Variants in ATP5F1A observed in about 807,000 individuals in gnomAD.
ATP5F1A encodes the protein ATP synthase F(1) complex subunit alpha, mitochondrial.
ATP5F1A carries 24 observed loss-of-function variants against 57.4 expected under a neutral mutation model. The observed-to-expected ratio is 0.42, with a 90% confidence interval of 0.30 to 0.59. The LOEUF (loss-of-function observed/expected upper bound fraction) is 0.59. Among genes scored for constraint, ATP5F1A ranks in the 20% least tolerant of loss-of-function variants. The pLI is 0.19. For synonymous variants in ATP5F1A, 251 were observed against 255.5 expected (o/e 0.98, Z 0.17); for missense variants, 494 against 707.9 (o/e 0.70, Z 3.43).
intron 2 of ATP5F1A, among the ~76,000 whole-genome samples, chr18:46,093,789 A>T (rs1910737390): frequency 6.6e-6 from 1 of 151,808 alleles, no homozygotes; most frequent in South Asian, 2.1e-4. Flanking sequence ...GCGCAACTGC[A>T]CTCCAGCTTG....
At chr18:46,090,747 T>TA (rs1184374557) in intron 3 of ATP5F1A, among the ~76,000 whole-genome samples, 1 of 152,218 alleles carries the variant, frequency 6.6e-6, no homozygotes, top group Admixed American at 6.5e-5. Context: ...TTGTCAAATT[T>TA]AAAAGATTAA....
rs975293732 is a variant in ATP5F1A, at chr18:46,089,887, A to G, written c.419T>C (p.Val140Ala). Reference sequence around the variant, plus strand: ...ACCCAACAGCTCCTCACCAACTGGAACGTCCACAATGGCTCCTGTCCTCTT... The same window carrying G: ...ACCCAACAGCTCCTCACCAACTGGAGCGTCCACAATGGCTCCTGTCCTCTT... ...IVKRTGAIVD[V>A]PVGEELLGRV... The change falls in exon 4 of 12, where the codon GTT becomes GCT. Residue 140 changes from valine (V) to alanine (A), a missense_variant. Val to Ala is a moderately conservative substitution (Grantham distance 64). This residue lies in a region of ATP5F1A where 191 missense variants were observed against 267.7 expected (regional missense o/e 0.71). Transcript: ENST00000398752. 58 of 1,613,842 alleles carry G rather than the reference A, an allele frequency of 3.6e-5. No homozygotes were observed. Among genetic ancestry groups the G allele is most frequent in the Non-Finnish European group, 4.5e-5 (53 of 1,179,974 alleles).
At chr18:46,091,886 A>ATC in intron 2 of ATP5F1A, 35 bp from the exon 3 acceptor site, 2 of 1,590,192 alleles carry the variant, frequency 1.3e-6, no homozygotes, top group Non-Finnish European at 1.7e-6. Context: ...TAAAAAAATA[A>ATC]TCTGGGCCAG....
intron 9 of ATP5F1A, 53 bp from the exon 10 acceptor site, chr18:46,086,310 A>C: frequency 6.3e-7 from 1 of 1,596,984 alleles, no homozygotes; most frequent in Non-Finnish European, 8.6e-7. Flanking sequence ...GCACTATACA[A>C]ATATAGTTAA....
chr18:46,096,191 GCAGT>G (rs1442187686), intron 1 of ATP5F1A, among the ~76,000 whole-genome samples: 2 of 152,034 alleles, frequency 1.3e-5, no homozygotes, highest in African/African-American at 2.4e-5. Flanking sequence ...ACCCGGCCTG[GCAGT>G]CAGTATTTTA....
At chr18:46,093,260 G>A (rs889569530) in intron 2 of ATP5F1A, 2 of 152,192 alleles carry the variant, frequency 1.3e-5, no homozygotes, top group African/African-American at 4.8e-5. Flanking sequence ...ACAGGGGTTG[G>A]GTGCAGTGGC....
chr18:46,098,067 A>G, intron 1 of ATP5F1A, 105 bp downstream of exon 1: 1 of 1,444,990 alleles, frequency 6.9e-7, no homozygotes, highest in Non-Finnish European at 9.1e-7. Context: ...AGATGGCGGC[A>G]TTCGCCACAG....
In ATP5F1A at chr18:46,095,134, A is replaced by C. The variant is rs1207366567; in HGVS notation, c.61-3T>G. On this transcript the variant is annotated splice_polypyrimidine_tract_variant and splice_region_variant and intron_variant, in intron 1 of 11. Transcript: ENST00000398752. ...GAACCCAAAGCATTTCTGGAGACCT[A>C]GTGCAAAAGTATTCTTAAAAATTTG... 6.2e-7 allele frequency: 1 copy of C among 1,611,730 alleles called. No individual in the cohort carries two copies. The highest frequency in any genetic ancestry group is 8.5e-7 in the Non-Finnish European group (1 of 1,179,358).
chr18:46,087,875 C>T (rs1178827426), intron 6 of ATP5F1A: 5 of 507,742 alleles, frequency 9.8e-6, no homozygotes, highest in East Asian at 3.7e-5. Flanking sequence ...AGTGAAACTC[C>T]GTCTCAAACA....
chr18:46,085,810 G>A, intron 10 of ATP5F1A: 1 of 299,772 alleles, frequency 3.3e-6, no homozygotes, highest in South Asian at 4.8e-5. Flanking sequence ...GCTCACACCT[G>A]TAATCCGAGC....
chr18:46,089,152 C>T (rs76066868), intron 5 of ATP5F1A, among the ~76,000 whole-genome samples: 10,581 of 152,072 alleles, frequency 0.07, 513 homozygotes, highest in African/African-American at 0.14. Context: ...AGACCAGTGG[C>T]GGCATGGGTC....
At chr18:46,094,900 C>T (rs1291881574) in intron 2 of ATP5F1A, 153 bp downstream of exon 2, 3 of 1,184,426 alleles carry the variant, frequency 2.5e-6, no homozygotes, top group Non-Finnish European at 3.3e-6. Context: ...CATGACAGGG[C>T]TAAATGGTAA....
intron 1 of ATP5F1A, among the ~76,000 whole-genome samples, chr18:46,096,271 C>T (rs369672836): frequency 1.0e-4 from 15 of 149,720 alleles, no homozygotes; most frequent in Admixed American, 2.7e-4. Context: ...GAGGCCAAGG[C>T]GGGCGGATTA....
chr18:46,102,588 T>C (rs1383157597), upstream of ATP5F1A, among the ~76,000 whole-genome samples: 2 of 152,124 alleles, frequency 1.3e-5, no homozygotes, highest in African/African-American at 4.8e-5. Flanking sequence ...CCTCCCAAAG[T>C]GCTGAGAATA....
Position 46,091,800 on chromosome 18 carries a change from G to A in ATP5F1A, c.191C>T (p.Thr64Ile). The change falls in exon 3 of 12, where the codon ACC becomes ATC. Residue 64 changes from threonine to isoleucine, a missense_variant. Physicochemically the swap from Thr to Ile is moderately conservative, Grantham distance 89. Around this residue, in one of 6 missense-constraint regions of ATP5F1A, gnomAD observed 142 missense variants for 137.5 expected, o/e 1.03. Coordinates refer to ENST00000398752, the MANE Select transcript of ATP5F1A (RefSeq NM_004046.6). Reference sequence around the variant, plus strand: ...CCCAGTTTCTTCAAGATCAACAGAGGTATCAGCTCCAAGAATACGCTCTTC... The same window carrying A: ...CCCAGTTTCTTCAAGATCAACAGAGATATCAGCTCCAAGAATACGCTCTTC... ...ILEERILGADTSVDLEETGRV... is the reference protein window; with the variant it reads ...ILEERILGADISVDLEETGRV... 1 of 1,613,768 alleles carries A rather than the reference G, an allele frequency of 6.2e-7. No individual in the cohort carries two copies. Among genetic ancestry groups the A allele is most frequent in the Non-Finnish European group, 8.5e-7 (1 of 1,179,956 alleles).
chr18:46,093,540 A>AAAAAC (rs1230818703), intron 2 of ATP5F1A, among the ~76,000 whole-genome samples: 7 of 151,780 alleles, frequency 4.6e-5, no homozygotes, highest in Non-Finnish European at 8.8e-5. Context: ...CTCTGTCTCA[A>AAAAAC]AAAACAAAAC....
At position 46,098,246 on chromosome 18, in the gene ATP5F1A, C is replaced by A; in HGVS notation, c.-15G>T. The A allele has an allele frequency of 1.9e-6, 3 of 1,603,318 alleles. No homozygotes were observed. The highest frequency in any genetic ancestry group is 2.5e-6 in the Non-Finnish European group (3 of 1,178,120). ...ACGGACAGCATCTTTGCAGTTACTC[C>A]GCAGGCGGTACTTCTGCAGCCGCAG... On this transcript the variant is annotated 5_prime_UTR_variant, in exon 1 of 12. Transcript: ENST00000398752.
upstream of ATP5F1A, chr18:46,098,503 A>T: frequency 9.1e-7 from 1 of 1,094,156 alleles, no homozygotes; most frequent in Non-Finnish European, 1.2e-6. Flanking sequence ...TTATACATTT[A>T]TTTTGGTCTT....
rs904894835 is a variant in ATP5F1A at position 46,080,898 on chromosome 18, G to A, written c.*3384C>T. On this transcript the variant is annotated 3_prime_UTR_variant, in exon 12 of 12. Coordinates refer to ENST00000398752, the MANE Select transcript of ATP5F1A (RefSeq NM_004046.6). ...TAATCCCAGCACTTTAGGAGGTCGA[G>A]GCACGTGGATCATCTAAGGTCAGGA... is the stretch of plus-strand genomic sequence containing the variant. The A allele has an allele frequency of 6.6e-6, 1 of 151,434 alleles. No individual in the cohort carries two copies. Among genetic ancestry groups the A allele is most frequent in the Admixed American group, 6.6e-5 (1 of 15,208 alleles). 9.4% of individuals were successfully genotyped at this position (151,434 alleles called of 1,614,324 possible).
Sources: gnomAD v4.1 joint callset for allele counts (sites outside exome capture counted in the v4.1 genomes callset) on GRCh38, gnomAD v4.1.1 for gene constraint, gnomAD v4.1.1 regional missense constraint, MANE v1.5 for transcripts, NCBI Gene and HGNC (gene_info 2026-07-23, HGNC 2026-07-21) for gene names.